The following KCNJ4 variants were observed in gnomAD, a reference collection of about 807,000 sequenced individuals.
KCNJ4 encodes the protein inward rectifier potassium channel 4.
KCNJ4 carries 3 observed loss-of-function variants against 25.6 expected under a neutral mutation model. That is an observed-to-expected ratio of 0.12 (90% CI 0.05 to 0.30). The LOEUF is 0.30. Ranked by LOEUF, KCNJ4 falls within the 10% of genes least tolerant of loss-of-function variation. The pLI is 1.00. For missense variants in KCNJ4, 286 were observed against 666.8 expected, an observed-to-expected ratio of 0.43 and a Z score of 6.29; for synonymous variants, 257 against 283.9, an observed-to-expected ratio of 0.91 and a Z score of 0.95.
intron 1 of KCNJ4, among the ~76,000 whole-genome samples, chr22:38,447,295 C>T (rs1157308502): frequency 2.0e-5 from 3 of 152,132 alleles, no homozygotes; most frequent in Non-Finnish European, 4.4e-5. Flanking sequence ...ATGGGGAGCT[C>T]CCCGTGAGGA....
intron 1 of KCNJ4, among the ~76,000 whole-genome samples, chr22:38,428,893 G>A (rs1040012734): frequency 1.3e-5 from 2 of 151,904 alleles, no homozygotes; most frequent in African/African-American, 4.8e-5. Context: ...AGACCAGCCT[G>A]GGCAACAGAG....
intron 1 of KCNJ4, among the ~76,000 whole-genome samples, chr22:38,453,071 T>C (rs184485281): frequency 1.7e-3 from 172 of 101,496 alleles, no homozygotes; most frequent in African/African-American, 6.5e-3. Flanking sequence ...CAGCCCGCCC[T>C]GTAAGCCTAC....
chr22:38,437,236 C>A (rs2093068025), intron 1 of KCNJ4, among the ~76,000 whole-genome samples: 1 of 152,256 alleles, frequency 6.6e-6, no homozygotes, highest in Admixed American at 6.5e-5. Flanking sequence ...TCCAGAGGGG[C>A]CTTTGGTGAG....
intron 1 of KCNJ4, among the ~76,000 whole-genome samples, chr22:38,454,653 C>T (rs955855995): frequency 3.9e-5 from 6 of 152,266 alleles, no homozygotes; most frequent in Middle Eastern, 3.4e-3. Context: ...TGAAGCTCCC[C>T]GGCATGACAA....
At chr22:38,450,456 G>A (rs1319768375) in intron 1 of KCNJ4, among the ~76,000 whole-genome samples, 1 of 152,114 alleles carries the variant, frequency 6.6e-6, no homozygotes, top group African/African-American at 2.4e-5. Context: ...CTGCCAGCCA[G>A]GTCCCACTGA....
chr22:38,451,587 G>A (rs2089410560), intron 1 of KCNJ4, among the ~76,000 whole-genome samples: 1 of 152,138 alleles, frequency 6.6e-6, no homozygotes, highest in Non-Finnish European at 1.5e-5. Flanking sequence ...AAAGCTCCTG[G>A]GTCCTGTCTG....
At chr22:38,439,287 C>G (rs965421296) in intron 1 of KCNJ4, among the ~76,000 whole-genome samples, 4 of 152,048 alleles carry the variant, frequency 2.6e-5, no homozygotes, top group Middle Eastern at 3.4e-3. Flanking sequence ...CAAAAACTAG[C>G]CGGGCATGGT....
At chr22:38,432,304 T>TA (rs1395305777) in intron 1 of KCNJ4, among the ~76,000 whole-genome samples, 1 of 150,926 alleles carries the variant, frequency 6.6e-6, no homozygotes, top group Non-Finnish European at 1.5e-5. Context: ...TAAAATAAAA[T>TA]AAAAAAGACC....
intron 1 of KCNJ4, among the ~76,000 whole-genome samples, chr22:38,431,911 G>C (rs1169727788): frequency 6.6e-6 from 1 of 151,992 alleles, no homozygotes; most frequent in Non-Finnish European, 1.5e-5. Context: ...AGGGTCAAAA[G>C]GCCTTGACAA....
At position 38,443,218 on chromosome 22, in the gene KCNJ4, T is replaced by G. The variant is rs889737208; in HGVS notation, c.-40+11762A>C. Among the ~76,000 whole-genome samples the G allele has an allele frequency of 6.6e-6, 1 of 152,118 alleles. No homozygotes were observed. Among genetic ancestry groups the G allele is most frequent in the Admixed American group, 6.6e-5 (1 of 15,262 alleles). ...TGAGGGTCCCTCTCCAGGTCGCCCC[T>G]TGCTCTCCTGCCTCTGGCCTCTCCA... On this transcript the variant is annotated intron_variant, in intron 1 of 1. Transcript: ENST00000303592. The surrounding 1 kb of genome is among the most constrained non-coding windows in gnomAD (Gnocchi z 4.1).
At position 38,449,317 on chromosome 22, in the gene KCNJ4, C is replaced by A. The variant is rs1403844732; in HGVS notation, c.-40+5663G>T. Among the ~76,000 whole-genome samples, 1 of 152,212 alleles carries A rather than the reference C, an allele frequency of 6.6e-6. No homozygotes were observed. Among genetic ancestry groups the A allele is most frequent in the Non-Finnish European group, 1.5e-5 (1 of 68,034 alleles). ...TTCCACCCAGGAGCCTGGAACCAAT[C>A]CTTGCTTCTCTCTGAGCCTCAGTAT... is the stretch of plus-strand genomic sequence containing the variant. On this transcript the variant is annotated intron_variant, in intron 1 of 1. Coordinates refer to ENST00000303592, the MANE Select transcript of KCNJ4 (RefSeq NM_152868.3). This position sits in a 1 kb window ranked among gnomAD's most constrained non-coding sequence, Gnocchi z 5.2.
At chr22:38,429,164 G>A (rs473879) in intron 1 of KCNJ4, among the ~76,000 whole-genome samples, 1 of 151,498 alleles carries the variant, frequency 6.6e-6, no homozygotes, top group Non-Finnish European at 1.5e-5. Context: ...TCCTTTCTTA[G>A]ACTCTTCTCT....
intron 1 of KCNJ4, among the ~76,000 whole-genome samples, chr22:38,438,899 G>C (rs2089312712): frequency 6.6e-6 from 1 of 152,156 alleles, no homozygotes; most frequent in African/African-American, 2.4e-5. Context: ...GCCTGGTCTG[G>C]TTTTAATTTC....
intron 1 of KCNJ4, among the ~76,000 whole-genome samples, chr22:38,436,413 C>T (rs2093065575): frequency 6.6e-6 from 1 of 152,186 alleles, no homozygotes; most frequent in Admixed American, 6.5e-5. Context: ...CGGTGCTGTT[C>T]CACACAGAGC....
rs2089354432 is a variant in KCNJ4 at position 38,443,793 on chromosome 22, C to T, written c.-40+11187G>A. ...ACAGTCTCTGCCCACCACCTCCTCC[C>T]ACAGCCTCCACCCACCTCCCGCAGT... On this transcript the variant is annotated intron_variant, in intron 1 of 1. Coordinates refer to ENST00000303592, the MANE Select transcript of KCNJ4 (RefSeq NM_152868.3). This position sits in a 1 kb window ranked among gnomAD's most constrained non-coding sequence, Gnocchi z 4.1. Among the ~76,000 whole-genome samples, 1 of 152,130 alleles carries T rather than the reference C, an allele frequency of 6.6e-6. No individual in the cohort carries two copies. Among genetic ancestry groups the T allele is most frequent in the Admixed American group, 6.5e-5 (1 of 15,270 alleles).
intron 1 of KCNJ4, among the ~76,000 whole-genome samples, chr22:38,451,019 G>A (rs2089407390): frequency 6.6e-6 from 1 of 152,074 alleles, no homozygotes; most frequent in Admixed American, 6.6e-5. Flanking sequence ...TAGATTCTCT[G>A]AGCCATGGCC....
chr22:38,442,622 AT>A (rs1466809227), intron 1 of KCNJ4, among the ~76,000 whole-genome samples: 3 of 151,930 alleles, frequency 2.0e-5, no homozygotes, highest in Non-Finnish European at 1.5e-5. Flanking sequence ...CTTTGGGAAA[AT>A]TTCTTAACCT....
intron 1 of KCNJ4, among the ~76,000 whole-genome samples, chr22:38,453,746 G>A (rs2089422954): frequency 6.6e-6 from 1 of 152,152 alleles, no homozygotes; most frequent in South Asian, 2.1e-4. Flanking sequence ...GCTAATTTCT[G>A]GGAGGCTGAA....
chr22:38,432,257 A>AAAT (rs2093052117), intron 1 of KCNJ4, among the ~76,000 whole-genome samples: 1 of 115,084 alleles, frequency 8.7e-6, no homozygotes, highest in Non-Finnish European at 1.7e-5. Flanking sequence ...CTCCATCTCA[A>AAAT]AATAAATAAA....
Sources: allele counts gnomAD v4.1 joint callset (sites outside exome capture counted in the v4.1 genomes callset), GRCh38; gene constraint gnomAD v4.1.1; non-coding constraint Gnocchi (gnomAD v3.1); transcripts MANE v1.5; gene names NCBI Gene and HGNC (gene_info 2026-07-23, HGNC 2026-07-21).